PALM2AKAP2: variants seen among roughly 807,000 people sequenced by gnomAD.
PALM2AKAP2 encodes PALM2-AKAP2 fusion protein.
In PALM2AKAP2, 37 loss-of-function variants were observed where a neutral mutation model predicts 71.5. The observed-to-expected ratio is 0.52, with a 90% CI of 0.40 to 0.68. The LOEUF is 0.68. PALM2AKAP2 is among the 30% of genes least tolerant of loss of function. The pLI is 0.00. For synonymous variants in PALM2AKAP2, 468 were observed against 478.8 expected, an observed-to-expected ratio of 0.98 and a Z score of 0.29; for missense variants, 1,224 against 1,191.8, an observed-to-expected ratio of 1.03 and a Z score of -0.40.
chr9:109,867,413 C>A, intron 1 of PALM2AKAP2, 78 bp from the exon 2 acceptor site: 1 of 1,524,076 alleles, frequency 6.6e-7, no homozygotes, highest in Non-Finnish European at 9.0e-7. Flanking sequence ...TGTGCTGCTG[C>A]TGCTGCTGCT....
chr9:109,694,597 TACTCAATA>T (rs1285084152), intron 1 of PALM2AKAP2, among the ~76,000 whole-genome samples: 1 of 152,112 alleles, frequency 6.6e-6, no homozygotes, highest in Admixed American at 6.5e-5. Flanking sequence ...TGGAAAGGAA[TACTCAATA>T]TTATCAGCTG....
At chr9:109,980,318 C>G (rs1333108110) in intron 6 of PALM2AKAP2, among the ~76,000 whole-genome samples, 3 of 152,176 alleles carry the variant, frequency 2.0e-5, no homozygotes, top group Non-Finnish European at 4.4e-5. Context: ...TGCCTGCCAT[C>G]GAGGCTCAGA....
At chr9:109,786,018 T>C (rs560371969) in intron 1 of PALM2AKAP2, among the ~76,000 whole-genome samples, 1 of 152,248 alleles carries the variant, frequency 6.6e-6, no homozygotes, top group Admixed American at 6.5e-5. Context: ...ATGGCTTTCA[T>C]CTGATTCTAT....
exon 4 of PALM2AKAP2, chr9:110,170,737 A>T (rs891132563): frequency 2.4e-4 from 36 of 152,312 alleles, no homozygotes; most frequent in African/African-American, 7.0e-4. Flanking sequence ...TTCTCAGGAA[A>T]ATGAGATCCG....
chr9:109,906,859 C>T (rs1207494841), intron 3 of PALM2AKAP2, among the ~76,000 whole-genome samples: 1 of 152,282 alleles, frequency 6.6e-6, no homozygotes, highest in Non-Finnish European at 1.5e-5. Context: ...TGTTACTTTC[C>T]GAATCAGACT....
Position 109,917,484 on chromosome 9 carries a change from CTTTTTT to C in PALM2AKAP2, c.258-6234_258-6229del, listed in dbSNP as rs59106508. On this transcript the variant is annotated intron_variant, in intron 3 of 9. Coordinates refer to the PALM2AKAP2 transcript ENST00000302798. ...TGTCACTTAAGCCAACGCTCCTTTC[CTTTTTT>C]TTTTTTTTTTTTTTTTGAGACAGGG... Among the ~76,000 whole-genome samples the C allele has an allele frequency of 9.9e-5, 11 of 111,440 alleles. No homozygotes were observed. The Admixed American group carries it at 1.0e-3, about 10-fold the overall frequency. The allele number at this position is 111,440 out of a possible 152,430, so 73.1% of individuals were successfully genotyped here.
At chr9:110,133,151 C>T (rs1241591567) in intron 1 of PALM2AKAP2, among the ~76,000 whole-genome samples, 4 of 152,106 alleles carry the variant, frequency 2.6e-5, no homozygotes, top group Non-Finnish European at 5.9e-5. Context: ...AAAAAGAAAA[C>T]GTGGAAAGTC....
At chr9:110,081,834 G>A (rs2118703195) in intron 1 of PALM2AKAP2, among the ~76,000 whole-genome samples, 1 of 152,098 alleles carries the variant, frequency 6.6e-6, no homozygotes, top group Admixed American at 6.5e-5. Context: ...CACGATGTTA[G>A]AGATTTGGGG....
At chr9:109,692,625 TGAGA>T (rs1262118931) in intron 1 of PALM2AKAP2, among the ~76,000 whole-genome samples, 2 of 152,004 alleles carry the variant, frequency 1.3e-5, no homozygotes, top group East Asian at 3.8e-4. Context: ...CTTAGTTTGC[TGAGA>T]GTTATTTTAA....
At chr9:110,094,048 T>C (rs1317781185) in intron 1 of PALM2AKAP2, among the ~76,000 whole-genome samples, 1 of 152,216 alleles carries the variant, frequency 6.6e-6, no homozygotes, top group Non-Finnish European at 1.5e-5. Flanking sequence ...CTGCTTAATA[T>C]CCTTCATACA....
intron 1 of PALM2AKAP2, among the ~76,000 whole-genome samples, chr9:109,741,866 T>A (rs973900816): frequency 6.6e-6 from 1 of 152,206 alleles, no homozygotes; most frequent in African/African-American, 2.4e-5. Flanking sequence ...TCCCATTGAA[T>A]TGTCTCAGCA....
At chr9:109,784,018 G>T (rs972985870) in intron 1 of PALM2AKAP2, among the ~76,000 whole-genome samples, 1 of 152,192 alleles carries the variant, frequency 6.6e-6, no homozygotes, top group Non-Finnish European at 1.5e-5. Context: ...CCTAATTTCT[G>T]CCAAAAGAAG....
chr9:109,912,201 G>A (rs1830585489), intron 3 of PALM2AKAP2, among the ~76,000 whole-genome samples: 1 of 152,020 alleles, frequency 6.6e-6, no homozygotes, highest in Admixed American at 6.6e-5. Context: ...TGGGGTTTGG[G>A]AAGGAGGTGA....
At chr9:109,981,565 A>C (rs369914764) in intron 6 of PALM2AKAP2, among the ~76,000 whole-genome samples, 1 of 152,232 alleles carries the variant, frequency 6.6e-6, no homozygotes, top group Non-Finnish European at 1.5e-5. Context: ...AGGAATTAAC[A>C]CATAAATGTT....
chr9:109,780,557 T>C, intron 1 of PALM2AKAP2, 24 bp downstream of exon 1: 4 of 1,613,398 alleles, frequency 2.5e-6, no homozygotes, highest in Non-Finnish European at 3.4e-6. Flanking sequence ...CATTTTATTT[T>C]CTTGCTCTAT....
At chr9:109,719,002 G>A (rs1181845333) in intron 1 of PALM2AKAP2, among the ~76,000 whole-genome samples, 1 of 152,072 alleles carries the variant, frequency 6.6e-6, no homozygotes, top group Non-Finnish European at 1.5e-5. Context: ...TTCTGGCAAG[G>A]AAAAATATAC....
intron 7 of PALM2AKAP2, among the ~76,000 whole-genome samples, chr9:110,033,862 T>A (rs1227787878): frequency 2.0e-5 from 3 of 152,182 alleles, no homozygotes; most frequent in African/African-American, 7.2e-5. Flanking sequence ...TAATACTAAT[T>A]GAGAATCTAA....
In PALM2AKAP2 at chr9:110,038,562, GA is replaced by G. The variant is rs573739896; in HGVS notation, c.582+22530del. Among the ~76,000 whole-genome samples, 3 of 152,040 alleles carry G rather than the reference GA, an allele frequency of 2.0e-5. No individual in the cohort carries two copies. In the East Asian group the frequency reaches 5.8e-4, roughly 29 times the overall value. ...TGACTTTGACAAGTGCTGTCTTGGT[GA>G]AAAAAACATCTCTTTTAAGAACTTT... On this transcript the variant is annotated intron_variant, in intron 7 of 9. Coordinates refer to the PALM2AKAP2 transcript ENST00000302798.
chr9:110,030,216 G>A (rs746989568), intron 7 of PALM2AKAP2, among the ~76,000 whole-genome samples: 11 of 152,154 alleles, frequency 7.2e-5, no homozygotes, highest in Non-Finnish European at 1.3e-4. Context: ...GGGGGGAAGG[G>A]CAGTAAATGA....
Sources: allele counts gnomAD v4.1 joint callset (sites outside exome capture counted in the v4.1 genomes callset), GRCh38; gene constraint gnomAD v4.1.1; transcripts MANE v1.5; gene names NCBI Gene and HGNC (gene_info 2026-07-23, HGNC 2026-07-21).